Variants in KCNT2 observed in about 807,000 individuals in gnomAD.
KCNT2 encodes potassium sodium-activated channel subfamily T member 2, also known as potassium channel subfamily T member 2.
In KCNT2, 67 loss-of-function variants were observed where a neutral mutation model predicts 153.8. The ratio of observed to expected loss-of-function variants is 0.44; its 90% CI spans 0.36 to 0.53. The LOEUF is 0.53. KCNT2 is among the 20% of genes least tolerant of loss of function. The pLI is 0.00. For missense variants in KCNT2, 975 were observed against 1,354.8 expected (o/e 0.72, Z 4.40); for synonymous variants, 500 against 458.8 (o/e 1.09, Z -1.15).
intron 12 of KCNT2, among the ~76,000 whole-genome samples, chr1:196,414,796 T>C (rs1672622233): frequency 6.6e-6 from 1 of 151,804 alleles, no homozygotes; most frequent in Non-Finnish European, 1.5e-5. Context: ...GTGAGTGAGT[T>C]TAAGAAAAGG....
intron 1 of KCNT2, among the ~76,000 whole-genome samples, chr1:196,526,742 C>T (rs1476032143): frequency 2.0e-5 from 3 of 152,144 alleles, no homozygotes; most frequent in Non-Finnish European, 4.4e-5. Flanking sequence ...TGATCCACTG[C>T]GCCCGGCCAC....
Position 196,285,760 on chromosome 1 carries a change from T to C in KCNT2, c.2596-2A>G. The stretch of plus-strand genomic sequence containing the variant: ...GTTAGAGCCTCTCTCCCGTTCTTTC[T>C]GTTCAGAAATTTGAGATAGAAAAAT... On this transcript the variant is annotated splice_acceptor_variant, in intron 22 of 27. Transcript: ENST00000294725. LOFTEE classifies it high-confidence loss of function. The C allele has an allele frequency of 6.3e-7, 1 of 1,591,178 alleles. No individual in the cohort carries two copies. The highest frequency in any genetic ancestry group is 8.6e-7 in the Non-Finnish European group (1 of 1,160,956).
At chr1:196,437,446 C>A (rs2148574330) in intron 8 of KCNT2, among the ~76,000 whole-genome samples, 1 of 138,760 alleles carries the variant, frequency 7.2e-6, no homozygotes, top group South Asian at 2.3e-4. Flanking sequence ...TTGGTAGTTA[C>A]CTAATTGTAA....
intron 13 of KCNT2, among the ~76,000 whole-genome samples, chr1:196,393,236 C>T (rs528869517): frequency 2.4e-4 from 36 of 151,518 alleles, no homozygotes; most frequent in Non-Finnish European, 4.0e-4. Context: ...ATTGTTATTT[C>T]TTCTCATATC....
At chr1:196,379,813 T>C (rs191128202) in intron 13 of KCNT2, among the ~76,000 whole-genome samples, 1 of 152,246 alleles carries the variant, frequency 6.6e-6, no homozygotes, top group Admixed American at 6.5e-5. Context: ...TCTTAATCTG[T>C]AGGCCTAACA....
chr1:196,331,362 C>A, intron 17 of KCNT2, 101 bp from the exon 18 acceptor site: 2 of 716,306 alleles, frequency 2.8e-6, no homozygotes, highest in South Asian at 3.1e-5. Flanking sequence ...ATAATCAATA[C>A]CTCTGTGTTG....
intron 22 of KCNT2, among the ~76,000 whole-genome samples, chr1:196,302,445 T>C (rs555298891): frequency 2.0e-5 from 3 of 152,268 alleles, no homozygotes; most frequent in Non-Finnish European, 4.4e-5. Flanking sequence ...TGCCTTACAG[T>C]CATGGAGGCA....
intron 27 of KCNT2, among the ~76,000 whole-genome samples, chr1:196,234,583 G>C (rs746031740): frequency 6.6e-6 from 1 of 150,912 alleles, no homozygotes; most frequent in Non-Finnish European, 1.5e-5. Context: ...CATCCTATCA[G>C]TCAATTCTAT....
In KCNT2 at chr1:196,250,982, G is replaced by A. The variant is rs185748486; in HGVS notation, c.3211+7212C>T. On this transcript the variant is annotated intron_variant, in intron 26 of 27. Transcript: ENST00000294725. ...AATACAGGCAATGACAAATCCTGAC[G>A]AGGATATGGAGTAAAGGGAACCCTT... 2.1e-3 allele frequency among the ~76,000 whole-genome samples: 320 copies of A among 152,210 alleles called. 1 individual carries two copies. Among genetic ancestry groups the A allele is most frequent in the African/African-American group, 7.4e-3 (308 of 41,544 alleles).
chr1:196,438,155 T>G (rs1674893349), intron 8 of KCNT2, among the ~76,000 whole-genome samples: 1 of 151,752 alleles, frequency 6.6e-6, no homozygotes, highest in African/African-American at 2.4e-5. Context: ...GTGAATTCAG[T>G]AGTAATTTTG....
intron 12 of KCNT2, among the ~76,000 whole-genome samples, chr1:196,419,260 T>C (rs1397507223): frequency 6.7e-6 from 1 of 150,344 alleles, no homozygotes; most frequent in East Asian, 2.0e-4. Flanking sequence ...TGTGCCATGC[T>C]GGTGTGCTGC....
chr1:196,532,180 A>G (rs1372689791), intron 1 of KCNT2, among the ~76,000 whole-genome samples: 1 of 152,134 alleles, frequency 6.6e-6, no homozygotes, highest in Non-Finnish European at 1.5e-5. Flanking sequence ...ACATAAGTCC[A>G]TGAGACATCT....
chr1:196,476,407 A>G (rs906154674), intron 5 of KCNT2, among the ~76,000 whole-genome samples: 5 of 152,162 alleles, frequency 3.3e-5, no homozygotes, highest in African/African-American at 1.2e-4. Context: ...TTTTCTAGTT[A>G]CCCAATATCC....
intron 14 of KCNT2, among the ~76,000 whole-genome samples, chr1:196,353,378 A>G (rs1028289405): frequency 2.6e-5 from 4 of 151,852 alleles, no homozygotes; most frequent in African/African-American, 9.7e-5. Context: ...CTCTTTTTAT[A>G]GAAGGGTAAG....
chr1:196,423,430 G>A (rs1673383478), intron 11 of KCNT2, among the ~76,000 whole-genome samples: 1 of 151,556 alleles, frequency 6.6e-6, no homozygotes, highest in Admixed American at 6.6e-5. Context: ...GGCTATATTG[G>A]TCTTTATTTT....
At position 196,480,886 on chromosome 1, in the gene KCNT2, G is replaced by T. The variant is rs548713949; in HGVS notation, c.324+1445C>A. 2.2e-4 allele frequency among the ~76,000 whole-genome samples: 15 copies of T among 68,236 alleles called. 1 individual carries two copies. The South Asian group carries it at 6.4e-3, about 29-fold the overall frequency. 44.8% of individuals were successfully genotyped at this position (68,236 alleles called of 152,430 possible). A position where few individuals can be genotyped will look rare whatever the true frequency, so the allele number is the denominator to read the frequency against. ...AAAAAAAAAAAAAAAAAAAAAAAAA[G>T]AGCATCGTTAGTATTTTCAAATATC... On this transcript the variant is annotated intron_variant, in intron 4 of 27. Coordinates refer to ENST00000294725, the MANE Select transcript of KCNT2 (RefSeq NM_198503.5).
intron 12 of KCNT2, among the ~76,000 whole-genome samples, chr1:196,399,801 A>C (rs1289936664): frequency 6.6e-6 from 1 of 151,714 alleles, no homozygotes; most frequent in Non-Finnish European, 1.5e-5. Context: ...TGGGATTAAT[A>C]CCCATATAAA....
At chr1:196,439,782 T>G (rs1675059381) in intron 8 of KCNT2, among the ~76,000 whole-genome samples, 2 of 151,938 alleles carry the variant, frequency 1.3e-5, no homozygotes, top group Non-Finnish European at 2.9e-5. Context: ...TTGTTTACAG[T>G]TCTAATCTTT....
intron 14 of KCNT2, among the ~76,000 whole-genome samples, chr1:196,364,545 A>G (rs1331074526): frequency 1.3e-5 from 2 of 152,134 alleles, no homozygotes; most frequent in Admixed American, 1.3e-4. Flanking sequence ...CTCTGGTGAA[A>G]TAGTTTTTTG....
Sources: allele counts gnomAD v4.1 joint callset (sites outside exome capture counted in the v4.1 genomes callset), GRCh38; gene constraint gnomAD v4.1.1; transcripts MANE v1.5; gene names NCBI Gene and HGNC (gene_info 2026-07-23, HGNC 2026-07-21).